Variants in INTS9 observed in about 807,000 individuals in gnomAD.
The protein encoded by INTS9 is integrator complex subunit 9.
In INTS9, 55 loss-of-function variants were observed where a neutral mutation model predicts 79.7. The ratio of observed to expected loss-of-function variants is 0.69; its 90% CI spans 0.56 to 0.86. The LOEUF (loss-of-function observed/expected upper bound fraction) is 0.86. Among genes scored for constraint, INTS9 ranks in the 40% least tolerant of loss-of-function variants. INTS9 has a pLI of 0.00. For synonymous variants in INTS9, 319 were observed against 325.2 expected, an observed-to-expected ratio of 0.98 and a Z score of 0.20; for missense variants, 721 against 831.5, an observed-to-expected ratio of 0.87 and a Z score of 1.64.
chr8:28,795,264 A>C (rs1804142267), intron 9 of INTS9, among the ~76,000 whole-genome samples: 1 of 152,160 alleles, frequency 6.6e-6, no homozygotes, highest in South Asian at 2.1e-4. Flanking sequence ...GTGATGGTAC[A>C]GAGAGGCAGG....
intron 9 of INTS9, among the ~76,000 whole-genome samples, chr8:28,795,614 T>C (rs547388571): frequency 2.5e-5 from 3 of 122,266 alleles, no homozygotes; most frequent in African/African-American, 9.7e-5. Flanking sequence ...CACTCTAGCC[T>C]GGGCAACAGA....
intron 1 of INTS9, among the ~76,000 whole-genome samples, chr8:28,863,742 A>C (rs1422700320): frequency 1.3e-5 from 2 of 152,226 alleles, no homozygotes; most frequent in Non-Finnish European, 2.9e-5. Context: ...AGATCACGCC[A>C]CTGCACACCA....
chr8:28,784,780 A>AACCATCAAAAGCAGGGAATGAACAGTG (rs1803484839), intron 11 of INTS9, among the ~76,000 whole-genome samples: 1 of 152,232 alleles, frequency 6.6e-6, no homozygotes, highest in African/African-American at 2.4e-5. Flanking sequence ...ATAACAGTAC[A>AACCATCAAAAGCAGGGAATGAACAGTG]ACCATCAAAA....
At chr8:28,837,875 T>A in intron 4 of INTS9, 99 bp from the exon 5 acceptor site, 1 of 1,168,838 alleles carries the variant, frequency 8.6e-7, no homozygotes, top group Non-Finnish European at 1.2e-6. Context: ...AAGTAGTTTT[T>A]GTATTGCAGA....
At chr8:28,821,759 GTT>G in intron 6 of INTS9, among the ~76,000 whole-genome samples, 1 of 141,746 alleles carries the variant, frequency 7.1e-6, no homozygotes. Flanking sequence ...ATATCTGTGG[GTT>G]TTTTTTTTTT....
intron 11 of INTS9, among the ~76,000 whole-genome samples, chr8:28,783,142 C>CAAAAAA (rs559306996): frequency 1.8e-5 from 2 of 111,714 alleles, no homozygotes; most frequent in Admixed American, 9.3e-5. Context: ...GACTCCGTCT[C>CAAAAAA]AAAAAAAAAA....
At chr8:28,858,128 C>G (rs148978855) in intron 2 of INTS9, among the ~76,000 whole-genome samples, 105 of 152,288 alleles carry the variant, frequency 6.9e-4, no homozygotes, top group African/African-American at 2.4e-3. Context: ...TCTCATCACC[C>G]AGGAAATTCA....
At chr8:28,835,154 C>A (rs1434518894) in intron 6 of INTS9, 138 bp downstream of exon 6, 2 of 607,234 alleles carry the variant, frequency 3.3e-6, no homozygotes, top group African/African-American at 1.9e-5. Flanking sequence ...CAAATATAAC[C>A]CTTTCATGTA....
chr8:28,795,595 G>A (rs188603870), intron 9 of INTS9, among the ~76,000 whole-genome samples: 45 of 131,322 alleles, frequency 3.4e-4, no homozygotes, highest in Admixed American at 5.6e-4. Context: ...AGCCAAGATC[G>A]TGCCACTGCA....
chr8:28,811,141 T>G lies in INTS9; in HGVS notation c.744+1186A>C, dbSNP rs1805101185. On this transcript the variant is annotated intron_variant, in intron 8 of 16. Coordinates refer to ENST00000521022, the MANE Select transcript of INTS9 (RefSeq NM_018250.4). ...TTCTTTCTCTCTCTTTTTTTTTTTTTTTGTTGAGATGGAGTCTCACTCTGT... is the reference window on the plus strand; with the variant it reads ...TTCTTTCTCTCTCTTTTTTTTTTTTGTTGTTGAGATGGAGTCTCACTCTGT... 7.3e-5 allele frequency among the ~76,000 whole-genome samples: 11 copies of G among 151,494 alleles called. 1 individual carries two copies. In the South Asian group the frequency reaches 2.1e-3, roughly 29 times the overall value.
intron 1 of INTS9, chr8:28,862,258 C>A (rs1808503011): frequency 1.0e-6 from 1 of 962,156 alleles, no homozygotes; most frequent in African/African-American, 1.8e-5. Context: ...AAATTATCTA[C>A]AATCACACCA....
chr8:28,816,407 G>T (rs865855985), intron 6 of INTS9, among the ~76,000 whole-genome samples: 4 of 149,342 alleles, frequency 2.7e-5, no homozygotes, highest in Middle Eastern at 3.4e-3. Context: ...GCGGTGTTTG[G>T]TTTTTTTGTT....
intron 12 of INTS9, among the ~76,000 whole-genome samples, chr8:28,779,433 A>G (rs1277642669): frequency 1.3e-5 from 2 of 152,180 alleles, no homozygotes; most frequent in African/African-American, 4.8e-5. Context: ...TGGAACACCA[A>G]CACCTTGTCT....
intron 11 of INTS9, 49 bp downstream of exon 11, chr8:28,787,780 G>A (rs1803697938): frequency 1.5e-6 from 2 of 1,359,906 alleles, no homozygotes; most frequent in Non-Finnish European, 2.1e-6. Flanking sequence ...TCTGCATCAG[G>A]TTATCCACAT....
intron 1 of INTS9, 137 bp from the exon 2 acceptor site, chr8:28,859,700 G>A (rs1207916136): frequency 1.3e-5 from 12 of 910,350 alleles, no homozygotes; most frequent in East Asian, 2.7e-5. Context: ...TGTGGTTTCC[G>A]CCCTTTTACT....
Position 28,768,323 on chromosome 8 carries a change from C to G in INTS9, c.1801-1G>C. 1 of 1,612,832 alleles carries G rather than the reference C, an allele frequency of 6.2e-7. No individual in the cohort carries two copies. Among genetic ancestry groups the G allele is most frequent in the Admixed American group, 1.7e-5 (1 of 60,018 alleles). Reference sequence around the variant, plus strand: ...CCACCTTAATATCACTGAAGCCATGCTGCTCCAGAAGAAAAGAAAGAGGTG... The same window carrying G: ...CCACCTTAATATCACTGAAGCCATGGTGCTCCAGAAGAAAAGAAAGAGGTG... On this transcript the variant is annotated splice_acceptor_variant, in intron 16 of 16. Coordinates refer to ENST00000521022, the MANE Select transcript of INTS9 (RefSeq NM_018250.4). LOFTEE classifies it high-confidence loss of function.
At chr8:28,859,843 G>A (rs1808358284) in intron 1 of INTS9, among the ~76,000 whole-genome samples, 1 of 152,136 alleles carries the variant, frequency 6.6e-6, no homozygotes, top group South Asian at 2.1e-4. Flanking sequence ...AAGGTTTCAA[G>A]GCTATGGTTA....
At chr8:28,801,034 C>A (rs533369075) in intron 8 of INTS9, among the ~76,000 whole-genome samples, 1 of 152,306 alleles carries the variant, frequency 6.6e-6, no homozygotes, top group South Asian at 2.1e-4. Context: ...AGCCTACCTG[C>A]CACCCTAGCC....
At chr8:28,842,653 C>G (rs569334722) in intron 4 of INTS9, among the ~76,000 whole-genome samples, 1 of 152,040 alleles carries the variant, frequency 6.6e-6, no homozygotes, top group South Asian at 2.1e-4. Context: ...TATCTTGAAA[C>G]GTTTCACCTC....
Sources: gnomAD v4.1 joint callset for allele counts (sites outside exome capture counted in the v4.1 genomes callset) on GRCh38, gnomAD v4.1.1 for gene constraint, MANE v1.5 for transcripts, NCBI Gene and HGNC (gene_info 2026-07-23, HGNC 2026-07-21) for gene names.